LAP3: variants seen among roughly 807,000 people sequenced by gnomAD.
The protein encoded by LAP3 is cytosol aminopeptidase.
A neutral mutation model predicts 58.8 loss-of-function variants in LAP3; 46 were observed. The observed-to-expected ratio is 0.78, with a 90% CI of 0.62 to 1.00. The LOEUF (loss-of-function observed/expected upper bound fraction) is 1.00. Ranked by LOEUF, LAP3 falls within the 50% of genes least tolerant of loss-of-function variation. The pLI is 0.00. For synonymous variants in LAP3, 257 were observed against 237.7 expected (o/e 1.08, Z -0.75); for missense variants, 615 against 659.1 (o/e 0.93, Z 0.73).
Position 17,582,394 on chromosome 4 carries a change from G to C in LAP3, c.379+1G>C, listed in dbSNP as rs1196149206. The C allele has an allele frequency of 2.2e-5, 35 of 1,607,984 alleles. No homozygotes were observed. Among genetic ancestry groups the C allele is most frequent in the Non-Finnish European group, 2.7e-5 (32 of 1,175,804 alleles). ...GAAAACATCAGAGCTGCTGTTGCAG[G>C]TTATTTCACTTTTTAAGTTTAAAGA... On this transcript the variant is annotated splice_donor_variant, in intron 4 of 12. Transcript: ENST00000226299. LOFTEE classifies it high-confidence loss of function.
chr4:17,580,546 C>A (rs1277295941), intron 2 of LAP3, among the ~76,000 whole-genome samples: 2 of 152,028 alleles, frequency 1.3e-5, no homozygotes, highest in Non-Finnish European at 2.9e-5. Context: ...CCTCAGCCCA[C>A]CCTCCTGGCT....
At chr4:17,580,960 CCT>C (rs1713347138) in intron 2 of LAP3, among the ~76,000 whole-genome samples, 1 of 152,142 alleles carries the variant, frequency 6.6e-6, no homozygotes, top group African/African-American at 2.4e-5. Context: ...ATTTGTATCT[CCT>C]CTCAATTTTT....
At chr4:17,607,226 G>C (rs1270018926) in intron 12 of LAP3, among the ~76,000 whole-genome samples, 174 bp from the exon 13 acceptor site, 1 of 152,184 alleles carries the variant, frequency 6.6e-6, no homozygotes, top group Admixed American at 6.5e-5. Context: ...ATCCTTTACT[G>C]CTTAAAGCAA....
chr4:17,581,203 T>A (rs963521823), intron 2 of LAP3, among the ~76,000 whole-genome samples: 1 of 152,250 alleles, frequency 6.6e-6, no homozygotes. Context: ...ACCACATAGA[T>A]ATACAACCTC....
intron 8 of LAP3, 136 bp downstream of exon 8, chr4:17,595,670 T>C: frequency 9.7e-7 from 1 of 1,032,122 alleles, no homozygotes; most frequent in Non-Finnish European, 1.4e-6. Context: ...GCAGTAGCTA[T>C]TTAGCCCAGA....
At position 17,583,580 on chromosome 4, in the gene LAP3, CTA is replaced by C. The variant is rs1314651430; in HGVS notation, c.479_480del (p.Tyr160Ter). Reference protein sequence around the residue: ...AAAEGAVLGLYEYDDLKQKKK... With the variant: ...AAAEGAVLGLXEYDDLKQKKK... ...CTGCGGAGGGAGCGGTGCTTGGTCT[CTA>C]TGAATACGATGACCTAAAGCAAAAA... is the stretch of plus-strand genomic sequence containing the variant. On this transcript the variant is annotated frameshift_variant, in exon 5 of 13. Coordinates refer to ENST00000226299, the MANE Select transcript of LAP3 (RefSeq NM_015907.3). LOFTEE classifies it high-confidence loss of function. 3 of 1,614,036 alleles carry C rather than the reference CTA, an allele frequency of 1.9e-6. No homozygotes were observed. Among genetic ancestry groups the C allele is most frequent in the Admixed American group, 3.3e-5 (2 of 59,986 alleles).
intron 2 of LAP3, among the ~76,000 whole-genome samples, chr4:17,581,308 G>T (rs549513875): frequency 1.3e-5 from 2 of 152,184 alleles, no homozygotes; most frequent in Non-Finnish European, 2.9e-5. Context: ...GCGTCAATCC[G>T]TGCTCAGATG....
chr4:17,585,848 C>G (rs1713499628), intron 6 of LAP3: 1 of 152,242 alleles, frequency 6.6e-6, no homozygotes, highest in African/African-American at 2.4e-5. Context: ...CTAAAGCCAG[C>G]AGGGGATGGA....
intron 1 of LAP3, 80 bp downstream of exon 1, chr4:17,577,647 C>G: frequency 8.7e-7 from 1 of 1,155,258 alleles, no homozygotes; most frequent in Non-Finnish European, 1.2e-6. Flanking sequence ...TGGTCGAAGC[C>G]GCGGTGTCCT....
chr4:17,595,372 T>C (rs767934202), intron 7 of LAP3, 38 bp from the exon 8 acceptor site: 123 of 1,604,472 alleles, frequency 7.7e-5, no homozygotes, highest in Non-Finnish European at 1.0e-4. Flanking sequence ...GGCCATCTTC[T>C]TTGCTCTTAA....
chr4:17,589,452 A>G (rs1023816733), intron 7 of LAP3, among the ~76,000 whole-genome samples: 5 of 152,150 alleles, frequency 3.3e-5, no homozygotes, highest in African/African-American at 9.7e-5. Context: ...TGCTTAGAAT[A>G]TGTCAGAGAC....
intron 1 of LAP3, among the ~76,000 whole-genome samples, chr4:17,579,122 A>T (rs1212556414): frequency 6.6e-6 from 1 of 152,234 alleles, no homozygotes; most frequent in Non-Finnish European, 1.5e-5. Flanking sequence ...AAAAGCTTGT[A>T]TACCTTTTTA....
At chr4:17,605,118 CCACA>C (rs10609509) in intron 11 of LAP3, among the ~76,000 whole-genome samples, 84,848 of 146,872 alleles carry the variant, frequency 0.58, 25,000 homozygotes, top group East Asian at 0.86. Context: ...ACCCTCACTT[CCACA>C]CACACACACA....
rs1339364650 is a variant in LAP3, at chr4:17,584,952, CTT to C, written c.540-18_540-17del. On this transcript the variant is annotated intron_variant, in intron 5 of 12. Transcript: ENST00000226299. The stretch of plus-strand genomic sequence containing the variant: ...TTCTTGAGAGGTTGTTTGACAGTCA[CTT>C]TATCTTTCTTCTGCCAGTGGGGATC... 1.9e-5 allele frequency: 31 copies of C among 1,611,246 alleles called. No homozygotes were observed. Among genetic ancestry groups the C allele is most frequent in the Non-Finnish European group, 2.4e-5 (28 of 1,178,612 alleles).
intron 9 of LAP3, among the ~76,000 whole-genome samples, chr4:17,597,564 C>T (rs1428265750): frequency 3.3e-5 from 5 of 152,224 alleles, no homozygotes; most frequent in East Asian, 3.9e-4. Context: ...CCACCATTCC[C>T]GGCCCCTGAG....
intron 1 of LAP3, among the ~76,000 whole-genome samples, chr4:17,578,264 C>G (rs1713265452): frequency 6.6e-6 from 1 of 152,172 alleles, no homozygotes; most frequent in Admixed American, 6.5e-5. Flanking sequence ...GCTCCAGTCT[C>G]CTGCAGGTAT....
intron 1 of LAP3, among the ~76,000 whole-genome samples, 163 bp from the exon 2 acceptor site, chr4:17,579,661 G>A (rs981809032): frequency 1.3e-5 from 2 of 152,196 alleles, no homozygotes; most frequent in Non-Finnish European, 2.9e-5. Flanking sequence ...AGGTGCACAT[G>A]TAGCTGACCC....
At chr4:17,591,956 AACAAATGTGT>A (rs1462557144) in intron 7 of LAP3, among the ~76,000 whole-genome samples, 24 of 118,856 alleles carry the variant, frequency 2.0e-4, no homozygotes, top group African/African-American at 6.4e-4. Context: ...AATGAGTTTT[AACAAATGTGT>A]GCACCTTGGG....
intron 1 of LAP3, 149 bp from the exon 2 acceptor site, chr4:17,579,675 C>T (rs12503909): frequency 0.031 from 15,694 of 500,794 alleles, 1,946 homozygotes; most frequent in African/African-American, 0.28. Context: ...CTGACCCCAG[C>T]ACCTGCTTCT....
Sources: gnomAD v4.1 joint callset for allele counts (sites outside exome capture counted in the v4.1 genomes callset) on GRCh38, gnomAD v4.1.1 for gene constraint, MANE v1.5 for transcripts, NCBI Gene and HGNC (gene_info 2026-07-23, HGNC 2026-07-21) for gene names.